Variants in SAMD12 observed in about 807,000 individuals in gnomAD.
SAMD12 encodes sterile alpha motif domain-containing protein 12.
In SAMD12, 9 loss-of-function variants were observed where a neutral mutation model predicts 15.0. That is an observed-to-expected ratio of 0.60 (90% CI 0.36 to 1.05). The LOEUF (loss-of-function observed/expected upper bound fraction) is 1.05. SAMD12 is among the 50% of genes least tolerant of loss of function. The pLI is 0.01. For synonymous variants in SAMD12, 86 were observed against 90.1 expected (o/e 0.96, Z 0.25); for missense variants, 230 against 234.2 (o/e 0.98, Z 0.12).
chr8:118,469,762 C>T (rs1225992775), intron 2 of SAMD12, among the ~76,000 whole-genome samples: 2 of 149,548 alleles, frequency 1.3e-5, no homozygotes, highest in African/African-American at 4.9e-5. Context: ...AGGGCTTCGC[C>T]ATGTTGGCCA....
chr8:118,172,644 T>C, the SAMD12 span, among the ~76,000 whole-genome samples: 1 of 152,212 alleles, frequency 6.6e-6, no homozygotes, highest in African/African-American at 2.4e-5. Flanking sequence ...ATTTAATGTA[T>C]ACAACTTGAT....
the SAMD12 span, among the ~76,000 whole-genome samples, chr8:118,149,731 G>A: frequency 5.0e-3 from 761 of 152,054 alleles, 5 homozygotes; most frequent in African/African-American, 0.017. Flanking sequence ...CCCATGATCC[G>A]TTTTTATTTA....
intron 4 of SAMD12, among the ~76,000 whole-genome samples, chr8:118,254,049 C>A (rs1812875273): frequency 6.6e-6 from 1 of 152,070 alleles, no homozygotes; most frequent in Admixed American, 6.6e-5. Context: ...CAACCACCAC[C>A]ATAACAATAA....
At chr8:118,559,705 T>C (rs1031292724) in intron 2 of SAMD12, among the ~76,000 whole-genome samples, 1 of 152,188 alleles carries the variant, frequency 6.6e-6, no homozygotes, top group East Asian at 1.9e-4. Flanking sequence ...TCCTCTTCTC[T>C]TCTTTGTGTA....
At chr8:118,333,233 A>T (rs1292929899) in intron 4 of SAMD12, among the ~76,000 whole-genome samples, 1 of 152,138 alleles carries the variant, frequency 6.6e-6, no homozygotes, top group Non-Finnish European at 1.5e-5. Context: ...CTAATTTCCA[A>T]CAGTCACCTC....
At chr8:118,313,082 C>A (rs1347741800) in intron 4 of SAMD12, among the ~76,000 whole-genome samples, 1 of 152,144 alleles carries the variant, frequency 6.6e-6, no homozygotes, top group Non-Finnish European at 1.5e-5. Flanking sequence ...TTCCCTCCAT[C>A]AAGAGCCACT....
intron 4 of SAMD12, among the ~76,000 whole-genome samples, chr8:118,225,494 G>A (rs1284135352): frequency 6.6e-6 from 1 of 152,176 alleles, no homozygotes; most frequent in Admixed American, 6.5e-5. Context: ...TGATCTGCAA[G>A]GGGTGAGCTC....
chr8:118,167,480 C>A, the SAMD12 span, among the ~76,000 whole-genome samples: 9 of 152,206 alleles, frequency 5.9e-5, no homozygotes, highest in Admixed American at 5.2e-4. Context: ...GAAAACAATA[C>A]CCCTCTGTAT....
At chr8:118,222,649 G>A (rs554339205) in intron 4 of SAMD12, among the ~76,000 whole-genome samples, 2 of 152,094 alleles carry the variant, frequency 1.3e-5, no homozygotes, top group African/African-American at 4.8e-5. Flanking sequence ...GGGATTACAG[G>A]TGTGTGCCAT....
the SAMD12 span, among the ~76,000 whole-genome samples, chr8:118,148,148 T>C: frequency 6.6e-6 from 1 of 152,036 alleles, no homozygotes; most frequent in African/African-American, 2.4e-5. Flanking sequence ...CAGGCTAGTC[T>C]TGAACTCCTG....
chr8:118,231,672 A>G (rs1326800127), intron 4 of SAMD12, among the ~76,000 whole-genome samples: 1 of 152,124 alleles, frequency 6.6e-6, no homozygotes, highest in Non-Finnish European at 1.5e-5. Context: ...ACTATTTATT[A>G]TTTGGCTATT....
the SAMD12 span, among the ~76,000 whole-genome samples, chr8:118,142,538 T>C: frequency 1.3e-5 from 2 of 152,194 alleles, no homozygotes; most frequent in Admixed American, 6.5e-5. Flanking sequence ...GTCTTCGGCA[T>C]TGGGAACACG....
At chr8:118,416,267 C>T (rs1188653004) in intron 3 of SAMD12, among the ~76,000 whole-genome samples, 4 of 152,116 alleles carry the variant, frequency 2.6e-5, no homozygotes, top group Non-Finnish European at 5.9e-5. Context: ...TTACGTTATC[C>T]TTAACCATAT....
intron 1 of SAMD12, among the ~76,000 whole-genome samples, chr8:118,608,864 G>A (rs1387911195): frequency 6.6e-6 from 1 of 152,122 alleles, no homozygotes; most frequent in East Asian, 1.9e-4. Context: ...GGGGTCCAAG[G>A]TAGGGGAAGT....
chr8:118,454,951 G>A (rs74920978), intron 2 of SAMD12, among the ~76,000 whole-genome samples: 3,649 of 152,232 alleles, frequency 0.024, 129 homozygotes, highest in African/African-American at 0.083. Flanking sequence ...TTTATGTTGT[G>A]AAAAGTGTCA....
At chr8:118,364,539 C>T (rs6983935) in intron 4 of SAMD12, among the ~76,000 whole-genome samples, 38,982 of 152,002 alleles carry the variant, frequency 0.26, 5,184 homozygotes, top group Admixed American at 0.29. Flanking sequence ...CTGAGTGCTG[C>T]GTGGAGTGCT....
At chr8:118,610,117 G>T (rs998355277) in intron 1 of SAMD12, among the ~76,000 whole-genome samples, 1 of 152,086 alleles carries the variant, frequency 6.6e-6, no homozygotes, top group Non-Finnish European at 1.5e-5. Flanking sequence ...TGTGTGCTGG[G>T]GTACGGGTGA....
rs370835846 is a variant in SAMD12 at position 118,559,609 on chromosome 8, G to A, written c.192+21106C>T. On this transcript the variant is annotated intron_variant, in intron 2 of 3. Coordinates refer to ENST00000314727, the MANE Select transcript of SAMD12 (RefSeq NM_207506.3). ...CTTGTGCAATTCTGCCAGAACTAGA[G>A]GTGGGGACATATGTGACATGCACTT... Among the ~76,000 whole-genome samples, 68 of 152,284 alleles carry A rather than the reference G, an allele frequency of 4.5e-4. 3 individuals carry two copies. The South Asian group carries it at 0.013, about 30-fold the overall frequency.
intron 4 of SAMD12, among the ~76,000 whole-genome samples, chr8:118,287,290 A>G (rs1242086724): frequency 8.4e-6 from 1 of 118,696 alleles, no homozygotes; most frequent in African/African-American, 5.2e-5. Context: ...GCGCCCGGCT[A>G]ATTTTTTTGT....
Sources: allele counts gnomAD v4.1 joint callset (sites outside exome capture counted in the v4.1 genomes callset), GRCh38; gene constraint gnomAD v4.1.1; transcripts MANE v1.5; gene names NCBI Gene and HGNC (gene_info 2026-07-23, HGNC 2026-07-21).